The following ANAPC4 variants were observed in gnomAD, a reference collection of about 807,000 sequenced individuals.
The protein encoded by ANAPC4 is anaphase promoting complex subunit 4.
In ANAPC4, 63 loss-of-function variants were observed where a neutral mutation model predicts 119.8. The ratio of observed to expected loss-of-function variants is 0.53; its 90% CI spans 0.43 to 0.65. The LOEUF is 0.65. Among genes scored for constraint, ANAPC4 ranks in the 30% least tolerant of loss-of-function variants. The probability of loss-of-function intolerance (pLI) is 0.00; values close to 1 mark genes in which losing one functional copy is unlikely to be tolerated. For missense variants in ANAPC4, 716 were observed against 945.1 expected, an observed-to-expected ratio of 0.76 and a Z score of 3.18; for synonymous variants, 283 against 318.6, an observed-to-expected ratio of 0.89 and a Z score of 1.19.
intron 22 of ANAPC4, 197 bp downstream of exon 22, chr4:25,413,939 G>GTGTA: frequency 1.9e-6 from 1 of 530,376 alleles, no homozygotes; most frequent in Non-Finnish European, 3.3e-6. Flanking sequence ...ACGTGTGTGT[G>GTGTA]TGTGTGTGTG....
At chr4:25,411,839 T>A (rs1723581846) in intron 21 of ANAPC4, among the ~76,000 whole-genome samples, 1 of 152,088 alleles carries the variant, frequency 6.6e-6, no homozygotes, top group Non-Finnish European at 1.5e-5. Flanking sequence ...ATGAGAGAAA[T>A]TTTTTTCCTC....
chr4:25,413,682 A>G lies in ANAPC4; in HGVS notation c.1563A>G (p.Ser521=), dbSNP rs1723702945. 1 of 1,613,506 alleles carries G rather than the reference A, an allele frequency of 6.2e-7. No individual in the cohort carries two copies. Among genetic ancestry groups the G allele is most frequent in the African/African-American group, 1.3e-5 (1 of 74,890 alleles). The part of the protein sequence containing the change: ...PLLFPYYPRK[S]LHFVKRRMEN... ...TGTTTCCTTATTATCCTCGAAAATCATTGCATTTTGTGAAAAGGCGGATGG... is the reference window on the plus strand; with the variant it reads ...TGTTTCCTTATTATCCTCGAAAATCGTTGCATTTTGTGAAAAGGCGGATGG... The change falls in exon 22 of 29, where the codon TCA becomes TCG. Residue 521 remains serine, a synonymous_variant. Coordinates refer to ENST00000315368, the MANE Select transcript of ANAPC4 (RefSeq NM_013367.3).
Position 25,418,148 on chromosome 4 carries a change from T to C in ANAPC4, c.2200-7T>C. On this transcript the variant is annotated splice_region_variant and splice_polypyrimidine_tract_variant and intron_variant, in intron 28 of 28. Transcript: ENST00000315368. ...TAAAAATGCTTTTATGGCCTTTTCTTTTTTAGTTAAGCTCAAATCTTCGTC... is the reference window on the plus strand; with the variant it reads ...TAAAAATGCTTTTATGGCCTTTTCTCTTTTAGTTAAGCTCAAATCTTCGTC... 1 of 1,607,032 alleles carries C rather than the reference T, an allele frequency of 6.2e-7. No homozygotes were observed. The highest frequency in any genetic ancestry group is 8.5e-7 in the Non-Finnish European group (1 of 1,177,330).
At chr4:25,414,878 C>A (rs1723775715) in intron 25 of ANAPC4, among the ~76,000 whole-genome samples, 178 bp downstream of exon 25, 1 of 151,908 alleles carries the variant, frequency 6.6e-6, no homozygotes, top group Non-Finnish European at 1.5e-5. Context: ...GTTATATGAT[C>A]TTGTTTTAGA....
At chr4:25,408,804 T>C (rs761353891) in intron 20 of ANAPC4, among the ~76,000 whole-genome samples, 18 of 152,292 alleles carry the variant, frequency 1.2e-4, no homozygotes, top group Middle Eastern at 3.4e-3. Flanking sequence ...CAGCCTATTT[T>C]TGCTTTTAAC....
chr4:25,382,114 CT>C (rs549784708), intron 3 of ANAPC4, among the ~76,000 whole-genome samples: 107 of 82,294 alleles, frequency 1.3e-3, no homozygotes, highest in South Asian at 0.011. Context: ...ATAGCTTTTT[CT>C]TTTTTTTCCC....
intron 3 of ANAPC4, 115 bp downstream of exon 3, chr4:25,380,594 C>G (rs315676): frequency 0.84 from 522,842 of 624,404 alleles, 220,324 homozygotes; most frequent in Non-Finnish European, 0.86. Flanking sequence ...ATAAATATCA[C>G]TTTGGGAACT....
intron 19 of ANAPC4, 25 bp downstream of exon 19, chr4:25,406,910 G>A (rs955181975): frequency 2.0e-6 from 3 of 1,531,692 alleles, no homozygotes; most frequent in Non-Finnish European, 2.7e-6. Context: ...TTTCTGTAAT[G>A]CAGTTTAAAA....
rs796947617 is a variant in ANAPC4 at position 25,395,057 on chromosome 4, C to T, written c.1061+152C>T. ...GCATTTGAGAAGAATCTTCCTATACCCAAGATTGAAAGAGTCAATAATAAT... is the reference window on the plus strand; with the variant it reads ...GCATTTGAGAAGAATCTTCCTATACTCAAGATTGAAAGAGTCAATAATAAT... On this transcript the variant is annotated intron_variant, in intron 14 of 28. Transcript: ENST00000315368. The T allele has an allele frequency of 6.8e-6, 4 of 588,318 alleles. No individual in the cohort carries two copies. In the African/African-American group the frequency reaches 7.6e-5, roughly 11 times the overall value. 36.4% of individuals were successfully genotyped at this position (588,318 alleles called of 1,614,324 possible).
chr4:25,389,118 G>A (rs370234825), intron 7 of ANAPC4, among the ~76,000 whole-genome samples: 30 of 151,232 alleles, frequency 2.0e-4, no homozygotes, highest in African/African-American at 5.3e-4. Flanking sequence ...AGCCTCCTCC[G>A]AGTAGCTGGG....
intron 16 of ANAPC4, among the ~76,000 whole-genome samples, chr4:25,398,100 A>G (rs534840889): frequency 6.6e-6 from 1 of 152,228 alleles, no homozygotes; most frequent in African/African-American, 2.4e-5. Flanking sequence ...TTGTTCTAGA[A>G]ATCTGTTTGG....
chr4:25,395,379 ATG>A (rs1173879841), intron 14 of ANAPC4: 1 of 152,628 alleles, frequency 6.6e-6, no homozygotes, highest in African/African-American at 2.4e-5. Context: ...TTCAAATCTC[ATG>A]CTTTTTCTAT....
Position 25,396,864 on chromosome 4 carries a change from G to A in ANAPC4, c.1179G>A (p.Val393=), listed in dbSNP as rs1338144205. The part of the protein sequence containing the change: ...AAGIEEAITA[V]GSFILKANEL... ...TCCCTTTAGAAGCTATAACTGCTGTGGGTTCTTTTATACTCAAGGCAAATG... is the reference window on the plus strand; with the variant it reads ...TCCCTTTAGAAGCTATAACTGCTGTAGGTTCTTTTATACTCAAGGCAAATG... The change falls in exon 16 of 29, where the codon GTG becomes GTA. Residue 393 remains valine (V), a synonymous_variant. Coordinates refer to ENST00000315368, the MANE Select transcript of ANAPC4 (RefSeq NM_013367.3). The A allele has an allele frequency of 3.1e-6, 5 of 1,612,838 alleles. No individual in the cohort carries two copies. The Admixed American group carries it at 6.7e-5, about 22-fold the overall frequency.
Position 25,396,763 on chromosome 4 carries a change from A to G in ANAPC4, c.1161A>G (p.Glu387=). 1 of 1,612,616 alleles carries G rather than the reference A, an allele frequency of 6.2e-7. No homozygotes were observed. The highest frequency in any genetic ancestry group is 8.5e-7 in the Non-Finnish European group (1 of 1,179,464). ...TTGGACTAGATGCTGCAGGAATCGA[A>G]GGTAGTGATTTAATTTCTCAGTGAA... ...EPLGLDAAGI[E]EAITAVGSFI... is the part of the protein sequence containing the mutation. Residue 387 remains glutamate (E), a splice_region_variant and synonymous_variant, in exon 15 of 29, where the codon GAA becomes GAG. Coordinates refer to ENST00000315368, the MANE Select transcript of ANAPC4 (RefSeq NM_013367.3).
intron 20 of ANAPC4, among the ~76,000 whole-genome samples, chr4:25,409,211 A>G (rs866829429): frequency 5.9e-5 from 9 of 152,228 alleles, no homozygotes; most frequent in Non-Finnish European, 1.0e-4. Flanking sequence ...CATAGAGTAT[A>G]TTGACAGTAC....
At chr4:25,401,439 G>A (rs1722967546) in intron 16 of ANAPC4, among the ~76,000 whole-genome samples, 1 of 152,178 alleles carries the variant, frequency 6.6e-6, no homozygotes, top group African/African-American at 2.4e-5. Context: ...AGCCCCCTAG[G>A]CATTCTTCAT....
chr4:25,377,933 C>T (rs1721499167), intron 2 of ANAPC4, among the ~76,000 whole-genome samples: 1 of 152,194 alleles, frequency 6.6e-6, no homozygotes, highest in South Asian at 2.1e-4. Flanking sequence ...GATGCAGGGA[C>T]CCTGCCCTAA....
At chr4:25,394,500 A>G (rs2109123293) in intron 12 of ANAPC4, 126 bp downstream of exon 12, 1 of 1,019,550 alleles carries the variant, frequency 9.8e-7, no homozygotes, top group Non-Finnish European at 1.4e-6. Flanking sequence ...TAATTGATAC[A>G]TAATGTGTTA....
intron 27 of ANAPC4, chr4:25,417,399 GC>G: frequency 2.8e-6 from 1 of 363,138 alleles, no homozygotes; most frequent in Non-Finnish European, 4.6e-6. Flanking sequence ...GAGATTCCAG[GC>G]ATGAGCCACT....
Sources: gnomAD v4.1 joint callset for allele counts (sites outside exome capture counted in the v4.1 genomes callset) on GRCh38, gnomAD v4.1.1 for gene constraint, MANE v1.5 for transcripts, NCBI Gene and HGNC (gene_info 2026-07-23, HGNC 2026-07-21) for gene names.